KIAA1671: variants seen among roughly 807,000 people sequenced by gnomAD.
KIAA1671 encodes uncharacterized protein KIAA1671.
KIAA1671 carries 52 observed loss-of-function variants against 131.2 expected under a neutral mutation model. The ratio of observed to expected loss-of-function variants is 0.40; its 90% CI spans 0.32 to 0.50. The LOEUF (loss-of-function observed/expected upper bound fraction) is 0.50, where lower values mean the gene tolerates loss of function less well. Among genes scored for constraint, KIAA1671 ranks in the 20% least tolerant of loss-of-function variants. KIAA1671 has a pLI of 0.73. For missense variants in KIAA1671, 2,360 were observed against 2,364.2 expected (o/e 1.00, Z 0.04); for synonymous variants, 1,003 against 961.6 (o/e 1.04, Z -0.80).
intron 6 of KIAA1671, among the ~76,000 whole-genome samples, chr22:25,154,794 A>G (rs548883266): frequency 2.6e-5 from 4 of 152,188 alleles, no homozygotes; most frequent in African/African-American, 9.7e-5. Context: ...GACTCCATTC[A>G]TGCTGAGCTT....
intron 6 of KIAA1671, among the ~76,000 whole-genome samples, chr22:25,067,409 T>C (rs773433559): frequency 7.2e-5 from 11 of 152,152 alleles, no homozygotes; most frequent in South Asian, 4.1e-4. Context: ...TTACTTTCTC[T>C]GACTTCCTTT....
Position 25,055,819 on chromosome 22 carries a change from T to C in KIAA1671, c.4530+6455T>C, listed in dbSNP as rs1314904961. The C allele has an allele frequency of 4.7e-5, 7 of 148,804 alleles. 1 individual carries two copies. Among genetic ancestry groups the C allele is most frequent in the South Asian group, 4.7e-4 (2 of 4,236 alleles). The allele number at this position is 148,804 out of a possible 1,614,324, so 9.2% of individuals were successfully genotyped here. A position where few individuals can be genotyped will look rare whatever the true frequency, so the allele number is the denominator to read the frequency against. On this transcript the variant is annotated intron_variant, in intron 6 of 12. Transcript: ENST00000358431. The stretch of plus-strand genomic sequence containing the variant: ...ATATAGATAGATATAGATATAGATA[T>C]AGATATAGATAGATATAGATACAGA...
intron 1 of KIAA1671, among the ~76,000 whole-genome samples, chr22:24,960,546 CAAAAAAAA>C (rs56207857): frequency 1.2e-5 from 1 of 80,004 alleles, no homozygotes; most frequent in Admixed American, 1.4e-4. Flanking sequence ...GACTCCGTCT[CAAAAAAAA>C]AAAAAAAAAA....
intron 1 of KIAA1671, among the ~76,000 whole-genome samples, chr22:24,995,514 G>A (rs1261982179): frequency 6.6e-6 from 1 of 151,880 alleles, no homozygotes; most frequent in East Asian, 1.9e-4. Flanking sequence ...GAGCTACCAT[G>A]TCTGGCTAAT....
chr22:25,125,958 G>A (rs994622108), intron 6 of KIAA1671, among the ~76,000 whole-genome samples: 3 of 152,216 alleles, frequency 2.0e-5, no homozygotes, highest in South Asian at 2.1e-4. Flanking sequence ...CTGATAAAGC[G>A]TTTTTCTTTT....
At chr22:25,066,985 G>C (rs1602112020) in intron 6 of KIAA1671, among the ~76,000 whole-genome samples, 1 of 152,186 alleles carries the variant, frequency 6.6e-6, no homozygotes, top group East Asian at 1.9e-4. Context: ...AGAGGACACT[G>C]TTCCACTTCG....
At chr22:25,132,315 G>A (rs1221767564) in intron 6 of KIAA1671, among the ~76,000 whole-genome samples, 3 of 152,154 alleles carry the variant, frequency 2.0e-5, no homozygotes, top group African/African-American at 4.8e-5. Context: ...GGTCTGAGAT[G>A]CAGTCCAGGC....
chr22:25,033,929 C>T (rs945382634), intron 4 of KIAA1671, among the ~76,000 whole-genome samples: 5 of 151,920 alleles, frequency 3.3e-5, no homozygotes, highest in Non-Finnish European at 5.9e-5. Context: ...CAGGAAAGAG[C>T]ACAGATTTAA....
chr22:25,132,900 C>G (rs1382521766), intron 6 of KIAA1671, among the ~76,000 whole-genome samples: 1 of 151,932 alleles, frequency 6.6e-6, no homozygotes, highest in African/African-American at 2.4e-5. Flanking sequence ...ACTAAAAACA[C>G]GAAAATTAGC....
At chr22:25,046,537 AAG>A (rs1927242264) in intron 5 of KIAA1671, among the ~76,000 whole-genome samples, 1 of 126,460 alleles carries the variant, frequency 7.9e-6, no homozygotes, top group Admixed American at 7.5e-5. Flanking sequence ...TTTTAGTTTT[AAG>A]AGAGAGACGA....
At chr22:24,955,163 G>A (rs1921627672) in intron 1 of KIAA1671, among the ~76,000 whole-genome samples, 1 of 152,310 alleles carries the variant, frequency 6.6e-6, no homozygotes, top group Middle Eastern at 3.4e-3. Flanking sequence ...TCCTCACCAG[G>A]CTACATCTCT....
intron 6 of KIAA1671, among the ~76,000 whole-genome samples, chr22:25,080,893 C>T (rs1929367942): frequency 6.6e-6 from 1 of 152,088 alleles, no homozygotes; most frequent in Admixed American, 6.5e-5. Context: ...TCTTGGTGGG[C>T]CTCAGTCACC....
intron 6 of KIAA1671, among the ~76,000 whole-genome samples, chr22:25,075,203 C>T (rs993192841): frequency 6.6e-5 from 10 of 152,094 alleles, no homozygotes; most frequent in Non-Finnish European, 1.3e-4. Flanking sequence ...CAGCTGAGGA[C>T]AGGGGTGCTA....
chr22:24,979,170 ATT>A (rs71191010), intron 1 of KIAA1671, among the ~76,000 whole-genome samples: 34,567 of 81,266 alleles, frequency 0.43, 6,333 homozygotes, highest in African/African-American at 0.45. Flanking sequence ...TAATTTTTGT[ATT>A]TTTTTTTTTT....
At chr22:25,188,771 G>A (rs1934562577) in intron 11 of KIAA1671, among the ~76,000 whole-genome samples, 1 of 152,128 alleles carries the variant, frequency 6.6e-6, no homozygotes, top group African/African-American at 2.4e-5. Flanking sequence ...CATCATAAAG[G>A]TCTTCATCCT....
intron 6 of KIAA1671, among the ~76,000 whole-genome samples, chr22:25,149,933 A>G (rs996819749): frequency 6.6e-6 from 1 of 151,980 alleles, no homozygotes; most frequent in African/African-American, 2.4e-5. Flanking sequence ...CCCCCTCCCC[A>G]TGCCCTTCGT....
At chr22:25,058,612 TA>T (rs1400469984) in intron 6 of KIAA1671, 1 of 152,176 alleles carries the variant, frequency 6.6e-6, no homozygotes, top group Non-Finnish European at 1.5e-5. Context: ...GTTGTTTATA[TA>T]AAAACGAGTT....
intron 6 of KIAA1671, among the ~76,000 whole-genome samples, chr22:25,091,483 G>A (rs762558344): frequency 6.6e-6 from 1 of 152,140 alleles, no homozygotes; most frequent in Non-Finnish European, 1.5e-5. Flanking sequence ...TTCTTTCTTC[G>A]TAAACCAGTT....
At chr22:25,168,080 G>A (rs713653) in intron 6 of KIAA1671, among the ~76,000 whole-genome samples, 13,264 of 152,192 alleles carry the variant, frequency 0.087, 633 homozygotes, top group South Asian at 0.19. Context: ...GTGCTGTCTC[G>A]GCTCAGTGTG....
Sources: allele counts gnomAD v4.1 joint callset (sites outside exome capture counted in the v4.1 genomes callset), GRCh38; gene constraint gnomAD v4.1.1; transcripts MANE v1.5; gene names NCBI Gene and HGNC (gene_info 2026-07-23, HGNC 2026-07-21).